Variants in PPP1R21 observed in about 807,000 individuals in gnomAD.
PPP1R21 encodes the protein KLRAQ motif containing 1.
PPP1R21 carries 85 observed loss-of-function variants against 112.8 expected under a neutral mutation model. The ratio of observed to expected loss-of-function variants is 0.75; its 90% CI spans 0.63 to 0.90. The LOEUF (loss-of-function observed/expected upper bound fraction) is 0.90, where lower values mean the gene tolerates loss of function less well. PPP1R21 is among the 40% of genes least tolerant of loss of function. The pLI is 0.00. For synonymous variants in PPP1R21, 381 were observed against 322.3 expected, an observed-to-expected ratio of 1.18 and a Z score of -1.95; for missense variants, 1,199 against 901.5, an observed-to-expected ratio of 1.33 and a Z score of -4.23.
intron 14 of PPP1R21, among the ~76,000 whole-genome samples, chr2:48,488,060 C>T (rs970571404): frequency 6.6e-6 from 1 of 152,150 alleles, no homozygotes; most frequent in Non-Finnish European, 1.5e-5. Flanking sequence ...AAGTGATTTG[C>T]AGTAGTCAGA....
chr2:48,474,180 C>T (rs193111754), intron 11 of PPP1R21, among the ~76,000 whole-genome samples: 4 of 151,502 alleles, frequency 2.6e-5, no homozygotes, highest in Admixed American at 6.6e-5. Context: ...GTCAGGAGTT[C>T]GAGACCAGCC....
At chr2:48,445,135 C>G (rs1319387020) in intron 1 of PPP1R21, among the ~76,000 whole-genome samples, 1 of 102,636 alleles carries the variant, frequency 9.7e-6, no homozygotes, top group Non-Finnish European at 1.9e-5. Flanking sequence ...TGAATATGAG[C>G]TTTTTTTTTT....
At chr2:48,453,149 T>A (rs771073387) in intron 2 of PPP1R21, among the ~76,000 whole-genome samples, 4 of 152,166 alleles carry the variant, frequency 2.6e-5, no homozygotes, top group Non-Finnish European at 5.9e-5. Flanking sequence ...AGTCGGAGTT[T>A]TGTCATGTTG....
intron 15 of PPP1R21, among the ~76,000 whole-genome samples, chr2:48,493,443 T>C (rs1669662456): frequency 6.6e-6 from 1 of 152,258 alleles, no homozygotes; most frequent in Non-Finnish European, 1.5e-5. Flanking sequence ...GTTTTTATTT[T>C]TGTATCATCA....
chr2:48,487,409 G>A (rs183825415), intron 14 of PPP1R21, among the ~76,000 whole-genome samples: 49 of 152,164 alleles, frequency 3.2e-4, no homozygotes, highest in African/African-American at 1.0e-3. Context: ...GGTCATGATC[G>A]TCTGGATCAT....
intron 19 of PPP1R21, among the ~76,000 whole-genome samples, chr2:48,507,908 G>A (rs1301703999): frequency 6.6e-6 from 1 of 151,226 alleles, no homozygotes; most frequent in Admixed American, 6.6e-5. Context: ...TGGGATTACA[G>A]GCACCCGCCA....
intron 12 of PPP1R21, among the ~76,000 whole-genome samples, chr2:48,478,448 C>T (rs897054587): frequency 3.9e-5 from 6 of 152,194 alleles, no homozygotes; most frequent in African/African-American, 7.2e-5. Context: ...GGCATGCATA[C>T]AGTCACCCTG....
intron 21 of PPP1R21, among the ~76,000 whole-genome samples, chr2:48,512,648 TTTTG>T (rs1453368854): frequency 1.3e-5 from 2 of 152,364 alleles, no homozygotes; most frequent in East Asian, 3.9e-4. Flanking sequence ...TTATATATGA[TTTTG>T]TTTATCAACA....
intron 11 of PPP1R21, among the ~76,000 whole-genome samples, 162 bp from the exon 12 acceptor site, chr2:48,474,521 A>G (rs1312607741): frequency 1.3e-5 from 2 of 152,200 alleles, no homozygotes; most frequent in Non-Finnish European, 2.9e-5. Context: ...CAAGCAGTGT[A>G]TGTATCATGA....
rs1390976389 is a variant in PPP1R21, at chr2:48,469,488, CATATATATATATATATAGAGCATATATAT to C, written c.898-1581_898-1553del. Among the ~76,000 whole-genome samples, 21 of 44,752 alleles carry C rather than the reference CATATATATATATATATAGAGCATATATAT, an allele frequency of 4.7e-4. 1 individual carries two copies. The highest frequency in any genetic ancestry group is 1.2e-3 in the African/African-American group (16 of 13,766). 29.4% of individuals were successfully genotyped at this position (44,752 alleles called of 152,430 possible). ...ATAGAGCATATATATATATATAGAGCATATATATATATATATAGAGCATATATATATATATATATATATATATAGAGCAT... is the reference window on the plus strand; with the variant it reads ...ATAGAGCATATATATATATATAGAGCATATATATATATATATATAGAGCAT... On this transcript the variant is annotated intron_variant, in intron 9 of 21. Coordinates refer to ENST00000294952, the MANE Select transcript of PPP1R21 (RefSeq NM_001135629.3).
chr2:48,495,001 C>G (rs777104139), intron 15 of PPP1R21, among the ~76,000 whole-genome samples: 2 of 152,168 alleles, frequency 1.3e-5, no homozygotes, highest in Non-Finnish European at 2.9e-5. Flanking sequence ...CCACCACTCC[C>G]GGCCAATTTT....
chr2:48,442,531 C>G (rs1472573567), intron 1 of PPP1R21, among the ~76,000 whole-genome samples: 1 of 152,186 alleles, frequency 6.6e-6, no homozygotes. Flanking sequence ...TTTGAGCAGT[C>G]TGCCAGGGTC....
At chr2:48,459,091 CAAA>C (rs747369228) in intron 4 of PPP1R21, among the ~76,000 whole-genome samples, 2 of 55,252 alleles carry the variant, frequency 3.6e-5, no homozygotes, top group Admixed American at 2.1e-4. Flanking sequence ...GACTCTGTCT[CAAA>C]AAAAAAAAAA....
chr2:48,509,108 T>A (rs1454459121), intron 19 of PPP1R21, among the ~76,000 whole-genome samples: 2 of 138,328 alleles, frequency 1.4e-5, no homozygotes, highest in Non-Finnish European at 1.6e-5. Context: ...GGATTTTTCT[T>A]TTATCGTTTT....
chr2:48,442,056 G>T (rs907408356), intron 1 of PPP1R21, among the ~76,000 whole-genome samples: 3 of 152,208 alleles, frequency 2.0e-5, no homozygotes, highest in Non-Finnish European at 1.5e-5. Context: ...ACTTATTTCA[G>T]TGATGCTACC....
intron 17 of PPP1R21, among the ~76,000 whole-genome samples, chr2:48,500,902 C>T (rs1670082033): frequency 6.6e-6 from 1 of 151,294 alleles, no homozygotes; most frequent in Non-Finnish European, 1.5e-5. Flanking sequence ...GAGCCAGACT[C>T]TGTCTCTACA....
At chr2:48,471,493 G>A in intron 11 of PPP1R21, 126 bp downstream of exon 11, 1 of 916,726 alleles carries the variant, frequency 1.1e-6, no homozygotes, top group South Asian at 2.1e-5. Flanking sequence ...CAGTTAATTT[G>A]GACTTCCGTG....
chr2:48,466,182 G>T (rs1382943426), intron 9 of PPP1R21, among the ~76,000 whole-genome samples: 3 of 152,038 alleles, frequency 2.0e-5, no homozygotes, highest in African/African-American at 7.2e-5. Flanking sequence ...TTTGCATGGG[G>T]ACATAGAACC....
chr2:48,484,514 C>CTT (rs56150780), intron 13 of PPP1R21, among the ~76,000 whole-genome samples: 3 of 122,978 alleles, frequency 2.4e-5, no homozygotes, highest in Middle Eastern at 3.6e-3. Flanking sequence ...AAAGAATAAA[C>CTT]TTTTTTTTTT....
Sources: allele counts gnomAD v4.1 joint callset (sites outside exome capture counted in the v4.1 genomes callset), GRCh38; gene constraint gnomAD v4.1.1; transcripts MANE v1.5; gene names NCBI Gene and HGNC (gene_info 2026-07-23, HGNC 2026-07-21).